Variants in LRP2BP observed in about 807,000 individuals in gnomAD.
The protein encoded by LRP2BP is LRP2 binding protein, also known as LRP2-binding protein.
A neutral mutation model predicts 45.2 loss-of-function variants in LRP2BP; 38 were observed. The observed-to-expected ratio is 0.84, with a 90% CI of 0.65 to 1.10. LRP2BP has a LOEUF of 1.10. Among genes scored for constraint, LRP2BP ranks in the 50% least tolerant of loss-of-function variants. The probability of loss-of-function intolerance (pLI) is 0.00; values close to 1 mark genes in which losing one functional copy is unlikely to be tolerated. For missense variants in LRP2BP, 385 were observed against 418.9 expected (o/e 0.92, Z 0.71); for synonymous variants, 153 against 153.9 (o/e 0.99, Z 0.04).
intron 1 of LRP2BP, among the ~76,000 whole-genome samples, chr4:185,393,749 C>A (rs975266063): frequency 1.3e-5 from 2 of 151,846 alleles, no homozygotes; most frequent in African/African-American, 2.4e-5. Context: ...TGGTCTCAAA[C>A]TGCTGACCTC....
intron 8 of LRP2BP, among the ~76,000 whole-genome samples, chr4:185,369,093 C>T (rs2095404830): frequency 6.6e-6 from 1 of 151,754 alleles, no homozygotes; most frequent in African/African-American, 2.4e-5. Flanking sequence ...GGTACCTGGA[C>T]TTTTTTTGTT....
chr4:185,371,005 G>A (rs1345139244), intron 7 of LRP2BP, 191 bp from the exon 8 acceptor site: 2 of 548,854 alleles, frequency 3.6e-6, no homozygotes. Flanking sequence ...TTCCCAGAGT[G>A]GTGACTTCAC....
Position 185,374,147 on chromosome 4 carries a change from C to T in LRP2BP, c.567G>A (p.Lys189=), listed in dbSNP as rs1469689147. 1 of 1,613,832 alleles carries T rather than the reference C, an allele frequency of 6.2e-7. No homozygotes were observed. Among genetic ancestry groups the T allele is most frequent in the African/African-American group, 1.3e-5 (1 of 74,902 alleles). Reference sequence around the variant, plus strand: ...GAGGGAACGTTACCTTTTCTAACTCCTTGGGCTCCTTGGTTGAGTAATACA... The same window carrying T: ...GAGGGAACGTTACCTTTTCTAACTCTTTGGGCTCCTTGGTTGAGTAATACA... ...LGLYYSTKEP[K]ELEKAFYWHS... is the part of the protein sequence containing the mutation. Residue 189 remains lysine (K), a synonymous_variant, in exon 6 of 9, where the codon AAG becomes AAA. Transcript: ENST00000505916.
At chr4:185,382,632 T>G (rs1458076554) in intron 1 of LRP2BP, among the ~76,000 whole-genome samples, 1 of 152,216 alleles carries the variant, frequency 6.6e-6, no homozygotes, top group Non-Finnish European at 1.5e-5. Context: ...TTCCTGTGCT[T>G]CTTACCCATT....
At position 185,395,160 on chromosome 4, in the gene LRP2BP, C is replaced by T. The variant is rs757598495; in HGVS notation, c.-403G>A. 3.0e-6 allele frequency: 3 copies of T among 985,406 alleles called. No individual in the cohort carries two copies. Among genetic ancestry groups the T allele is most frequent in the Non-Finnish European group, 3.6e-6 (3 of 829,936 alleles). 61.0% of individuals were successfully genotyped at this position (985,406 alleles called of 1,614,324 possible). On this transcript the variant is annotated 5_prime_UTR_variant, in exon 1 of 9. Transcript: ENST00000505916. The stretch of plus-strand genomic sequence containing the variant: ...ATTAAAGGGAGAAAAGCTGTAACGA[C>T]TCCCCAAATTTCCTTTCCTTATGAA...
intron 3 of LRP2BP, 119 bp downstream of exon 3, chr4:185,376,790 G>A (rs1417283220): frequency 3.0e-6 from 2 of 668,354 alleles, no homozygotes; most frequent in Non-Finnish European, 5.2e-6. Flanking sequence ...AGCCATAGTC[G>A]ATGTAATTGG....
At position 185,364,683 on chromosome 4, in the gene LRP2BP, CATG is replaced by C. The variant is rs775572659; in HGVS notation, c.*2494_*2496del. The C allele has an allele frequency of 7.9e-5, 12 of 151,402 alleles. No individual in the cohort carries two copies. The highest frequency in any genetic ancestry group is 4.4e-5 in the Non-Finnish European group (3 of 67,874). 9.4% of individuals were successfully genotyped at this position (151,402 alleles called of 1,614,324 possible). A position where few individuals can be genotyped will look rare whatever the true frequency, so the allele number is the denominator to read the frequency against. On this transcript the variant is annotated 3_prime_UTR_variant, in exon 9 of 9. Transcript: ENST00000505916. ...TAGCTTTTTTATCCTTTTTTCAAAC[CATG>C]ATGATATTTGACACTTAAAAAAATA...
chr4:185,366,620 C>T lies in LRP2BP; in HGVS notation c.*560G>A, dbSNP rs1211297523. On this transcript the variant is annotated 3_prime_UTR_variant, in exon 9 of 9. Coordinates refer to ENST00000505916, the MANE Select transcript of LRP2BP (RefSeq NM_001377440.1). ...AATAACTTCAGAAGTAGAAATGCTG[C>T]ACACACTTATTTAAGTTTAATTCTT... 1 of 152,156 alleles carries T rather than the reference C, an allele frequency of 6.6e-6. No individual in the cohort carries two copies. Among genetic ancestry groups the T allele is most frequent in the Non-Finnish European group, 1.5e-5 (1 of 68,044 alleles). The allele number at this position is 152,156 out of a possible 1,614,324, so 9.4% of individuals were successfully genotyped here. A position where few individuals can be genotyped will look rare whatever the true frequency, so the allele number is the denominator to read the frequency against.
chr4:185,389,534 A>G (rs959122582), intron 1 of LRP2BP, among the ~76,000 whole-genome samples: 2 of 152,130 alleles, frequency 1.3e-5, no homozygotes, highest in African/African-American at 2.4e-5. Flanking sequence ...AAACAAGTGA[A>G]TAACAATGTA....
At chr4:185,397,032 G>A (rs1017126378), upstream of LRP2BP, 59 of 1,608,954 alleles carry the variant, frequency 3.7e-5, no homozygotes, top group Admixed American at 6.7e-5. Context: ...ATGCGGGGAC[G>A]GACCACTGGG....
In LRP2BP at chr4:185,365,356, C is replaced by A. The variant is rs758756881; in HGVS notation, c.*1824G>T. ...TTTATTATGTTCCTATTTTAAGATT[C>A]TTTTTATTTTTTTTTGAGATGGAGT... On this transcript the variant is annotated 3_prime_UTR_variant, in exon 9 of 9. Transcript: ENST00000505916. 2 of 151,740 alleles carry A rather than the reference C, an allele frequency of 1.3e-5. No homozygotes were observed. Among genetic ancestry groups the A allele is most frequent in the Non-Finnish European group, 2.9e-5 (2 of 67,938 alleles). 9.4% of individuals were successfully genotyped at this position (151,740 alleles called of 1,614,324 possible).
intron 1 of LRP2BP, among the ~76,000 whole-genome samples, chr4:185,386,387 CTA>C (rs1439360845): frequency 5.9e-5 from 9 of 152,304 alleles, no homozygotes; most frequent in East Asian, 1.9e-4. Flanking sequence ...AAAATATAAA[CTA>C]TGTGGGAATA....
chr4:185,374,787 C>T (rs1157478841), intron 4 of LRP2BP, among the ~76,000 whole-genome samples: 2 of 152,100 alleles, frequency 1.3e-5, no homozygotes, highest in East Asian at 3.9e-4. Flanking sequence ...AACCCTTATC[C>T]TGAATCAGCA....
chr4:185,377,129 G>T, intron 2 of LRP2BP, 111 bp from the exon 3 acceptor site: 2 of 799,514 alleles, frequency 2.5e-6, no homozygotes, highest in Non-Finnish European at 4.2e-6. Flanking sequence ...TTGCTTTCTA[G>T]TGCTCATTCC....
chr4:185,371,315 G>A (rs1489303281), intron 7 of LRP2BP, among the ~76,000 whole-genome samples: 12 of 152,072 alleles, frequency 7.9e-5, no homozygotes, highest in African/African-American at 1.7e-4. Flanking sequence ...CAAGGCAGGC[G>A]GATCACGAGG....
At chr4:185,385,915 G>GT (rs68098858) in intron 1 of LRP2BP, among the ~76,000 whole-genome samples, 7 of 119,728 alleles carry the variant, frequency 5.8e-5, no homozygotes, top group African/African-American at 2.0e-4. Context: ...AGGGGGGGGG[G>GT]GAGATAAAGA....
At chr4:185,397,063 T>TTG, upstream of LRP2BP, 3 of 1,609,928 alleles carry the variant, frequency 1.9e-6, no homozygotes, top group Non-Finnish European at 1.7e-6. Context: ...TCAGAGCTGG[T>TTG]TGTGAAGGGC....
At chr4:185,396,927 C>G (rs770063120), upstream of LRP2BP, 44 of 1,613,510 alleles carry the variant, frequency 2.7e-5, no homozygotes, top group South Asian at 4.4e-5. Context: ...GCGGGAAATG[C>G]TGTTGCTGGA....
At chr4:185,394,658 G>T in intron 1 of LRP2BP, 121 bp downstream of exon 1, 1 of 667,616 alleles carries the variant, frequency 1.5e-6, no homozygotes, top group Non-Finnish European at 1.9e-6. Context: ...TACATATAGT[G>T]CTCTCAATAC....
Sources: allele counts gnomAD v4.1 joint callset (sites outside exome capture counted in the v4.1 genomes callset), GRCh38; gene constraint gnomAD v4.1.1; transcripts MANE v1.5; gene names NCBI Gene and HGNC (gene_info 2026-07-23, HGNC 2026-07-21).